Variants in SEC14L1 observed in about 807,000 individuals in gnomAD.
SEC14L1 encodes SEC14 like lipid binding 1.
Under a neutral mutation model 85.3 loss-of-function variants are expected in SEC14L1, and 48 were observed. The observed-to-expected ratio is 0.56, with a 90% confidence interval of 0.45 to 0.72. SEC14L1 has a LOEUF of 0.72. SEC14L1 is among the 30% of genes least tolerant of loss of function. The pLI, the probability that SEC14L1 is intolerant of heterozygous loss-of-function variation, is 0.00. For missense variants in SEC14L1, 682 were observed against 921.4 expected (o/e 0.74, Z 3.36); for synonymous variants, 391 against 355.5 (o/e 1.10, Z -1.12).
chr17:77,177,766 T>G (rs56218103), intron 3 of SEC14L1, among the ~76,000 whole-genome samples: 98,223 of 151,940 alleles, frequency 0.65, 32,020 homozygotes, highest in Middle Eastern at 0.73. Flanking sequence ...TTGTTTTTAT[T>G]CTTGTTTTGT....
intron 3 of SEC14L1, among the ~76,000 whole-genome samples, chr17:77,112,367 G>T (rs1289878940): frequency 6.6e-6 from 1 of 151,984 alleles, no homozygotes; most frequent in Non-Finnish European, 1.5e-5. Flanking sequence ...AAAAAGTTAA[G>T]AATTATAATT....
chr17:77,150,574 C>T (rs755059875), intron 3 of SEC14L1, among the ~76,000 whole-genome samples: 3 of 152,170 alleles, frequency 2.0e-5, no homozygotes, highest in South Asian at 2.1e-4. Flanking sequence ...GATGGACTCG[C>T]GACTCATATA....
intron 3 of SEC14L1, among the ~76,000 whole-genome samples, chr17:77,190,476 A>G (rs1039695939): frequency 2.6e-5 from 4 of 152,060 alleles, no homozygotes; most frequent in Non-Finnish European, 5.9e-5. Flanking sequence ...ATCTTTTTCA[A>G]AATCGTTTTA....
chr17:77,176,857 G>C (rs1321871702), intron 3 of SEC14L1, among the ~76,000 whole-genome samples: 2 of 152,086 alleles, frequency 1.3e-5, no homozygotes, highest in Non-Finnish European at 2.9e-5. Flanking sequence ...AAAGTGCTGG[G>C]ATTACAGGCG....
At position 77,215,761 on chromosome 17, in the gene SEC14L1, T is replaced by C. The variant is rs1330062123; in HGVS notation, c.*1738T>C. On this transcript the variant is annotated 3_prime_UTR_variant, in exon 17 of 17. Transcript: ENST00000436233. ...AGTAGGTAGGGTTAGTAGGTAGGGC[T>C]AGTAGGTAGGGCTAGTAGGTAGGGT... 12 of 974,036 alleles carry C rather than the reference T, an allele frequency of 1.2e-5. No homozygotes were observed. Among genetic ancestry groups the C allele is most frequent in the Non-Finnish European group, 1.5e-5 (12 of 825,380 alleles). The allele number at this position is 974,036 out of a possible 1,614,324, so 60.3% of individuals were successfully genotyped here.
chr17:77,153,811 C>T (rs1365280423), intron 3 of SEC14L1, among the ~76,000 whole-genome samples: 2 of 152,136 alleles, frequency 1.3e-5, no homozygotes, highest in African/African-American at 4.8e-5. Flanking sequence ...CAGAGAAGTT[C>T]ACTGTAGAGA....
intron 3 of SEC14L1, among the ~76,000 whole-genome samples, chr17:77,184,928 T>C (rs1412621358): frequency 1.3e-5 from 2 of 152,238 alleles, no homozygotes; most frequent in African/African-American, 4.8e-5. Context: ...ACCTAAGCCA[T>C]CCCAGAGATG....
Position 77,106,632 on chromosome 17 carries a change from C to T in SEC14L1, c.-136+13285C>T, listed in dbSNP as rs140246800. ...CCTGGCTAACATAGTGAAAGCCCAT[C>T]TCTACCTGGGCAACACAGCGAGACT... is the stretch of plus-strand genomic sequence containing the variant. On this transcript the variant is annotated intron_variant, in intron 3 of 19. Transcript: ENST00000392476. Among the ~76,000 whole-genome samples, 8 of 151,848 alleles carry T rather than the reference C, an allele frequency of 5.3e-5. No individual in the cohort carries two copies. In the East Asian group the frequency reaches 1.6e-3, roughly 29 times the overall value.
chr17:77,203,421 C>A, intron 9 of SEC14L1, 149 bp from the exon 10 acceptor site: 1 of 666,486 alleles, frequency 1.5e-6, no homozygotes, highest in Non-Finnish European at 2.6e-6. Flanking sequence ...CCCTATCACA[C>A]AAATCAGTTG....
chr17:77,125,148 G>A (rs1484577201), intron 3 of SEC14L1, among the ~76,000 whole-genome samples: 3 of 151,684 alleles, frequency 2.0e-5, no homozygotes, highest in African/African-American at 7.2e-5. Flanking sequence ...GGGACTACAG[G>A]CGCCCGCCCG....
chr17:77,183,971 A>T (rs1975156407), intron 3 of SEC14L1, among the ~76,000 whole-genome samples: 1 of 152,140 alleles, frequency 6.6e-6, no homozygotes, highest in Non-Finnish European at 1.5e-5. Context: ...TTTTTAGTAG[A>T]AACATAGTTT....
intron 3 of SEC14L1, among the ~76,000 whole-genome samples, chr17:77,103,461 G>GT (rs1971827927): frequency 6.8e-6 from 1 of 147,754 alleles, no homozygotes; most frequent in Non-Finnish European, 1.5e-5. Context: ...GTTTTGTTTT[G>GT]TTTTTGAGAC....
intron 3 of SEC14L1, among the ~76,000 whole-genome samples, chr17:77,177,148 A>C (rs919551753): frequency 2.6e-5 from 4 of 151,964 alleles, no homozygotes; most frequent in Non-Finnish European, 5.9e-5. Context: ...CATGAAAGTT[A>C]CTGAGACATC....
In SEC14L1 at chr17:77,216,650, C is replaced by G; in HGVS notation, c.*2627C>G. ...TGTTTGAATTGCAGCCATCCCCTGC[C>G]CCCTCCCAGGCTGAAGATCTGTTCT... On this transcript the variant is annotated 3_prime_UTR_variant, in exon 17 of 17. Transcript: ENST00000436233. 6.2e-7 allele frequency: 1 copy of G among 1,608,534 alleles called. No homozygotes were observed. Among genetic ancestry groups the G allele is most frequent in the Non-Finnish European group, 8.5e-7 (1 of 1,175,682 alleles).
intron 9 of SEC14L1, 32 bp downstream of exon 9, chr17:77,200,705 C>T (rs764482045): frequency 1.1e-5 from 18 of 1,590,630 alleles, no homozygotes; most frequent in African/African-American, 4.0e-5. Flanking sequence ...GTGTTTCCAT[C>T]GTTGTCTTGA....
At chr17:77,141,327 TCGCCCCCCTCCCC>T (rs1567889313) in intron 1 of SEC14L1, 1 of 24,562 alleles carries the variant, frequency 4.1e-5, no homozygotes, top group African/African-American at 1.6e-4. Flanking sequence ...TCGCCGCCCC[TCGCCCCCCTCCCC>T]CGCCCCCACC....
chr17:77,204,656 A>G (rs1301900906), intron 10 of SEC14L1, among the ~76,000 whole-genome samples: 3 of 149,966 alleles, frequency 2.0e-5, no homozygotes, highest in Non-Finnish European at 4.4e-5. Context: ...GTCCTCAAGC[A>G]GTCCTCCCAC....
At position 77,124,988 on chromosome 17, in the gene SEC14L1, AT is replaced by A. The variant is rs1567879049; in HGVS notation, c.-135-17656del. 3.0e-3 allele frequency among the ~76,000 whole-genome samples: 326 copies of A among 107,758 alleles called. 2 individuals carry two copies. Among genetic ancestry groups the A allele is most frequent in the African/African-American group, 0.013 (300 of 22,432 alleles). The allele number at this position is 107,758 out of a possible 152,430, so 70.7% of individuals were successfully genotyped here. A position where few individuals can be genotyped will look rare whatever the true frequency, so the allele number is the denominator to read the frequency against. On this transcript the variant is annotated intron_variant, in intron 3 of 19. Transcript: ENST00000392476. ...AAGTGGATTTACTATTATTATTATT[AT>A]TATTATTATTTTTATTATTATTATA...
intron 3 of SEC14L1, among the ~76,000 whole-genome samples, chr17:77,168,629 A>G (rs1180382772): frequency 2.6e-5 from 4 of 152,146 alleles, no homozygotes; most frequent in Non-Finnish European, 5.9e-5. Context: ...TAAAGCCTTC[A>G]TAATTGTTCC....
Sources: allele counts gnomAD v4.1 joint callset (sites outside exome capture counted in the v4.1 genomes callset), GRCh38; gene constraint gnomAD v4.1.1; transcripts MANE v1.5; gene names NCBI Gene and HGNC (gene_info 2026-07-23, HGNC 2026-07-21).